LDLRAD4: variants seen among roughly 807,000 people sequenced by gnomAD.
LDLRAD4 encodes low-density lipoprotein receptor class A domain-containing protein 4.
In LDLRAD4, 5 loss-of-function variants were observed where a neutral mutation model predicts 17.0. That is an observed-to-expected ratio of 0.29 (90% confidence interval 0.15 to 0.62). LDLRAD4 has a LOEUF of 0.62. Ranked by LOEUF, LDLRAD4 falls within the 20% of genes least tolerant of loss-of-function variation. LDLRAD4 has a pLI of 0.84. For synonymous variants in LDLRAD4, 168 were observed against 171.8 expected (o/e 0.98, Z 0.17); for missense variants, 340 against 424.7 (o/e 0.80, Z 1.75).
chr18:13,640,591 T>C (rs2042458925), intron 4 of LDLRAD4, among the ~76,000 whole-genome samples: 1 of 152,120 alleles, frequency 6.6e-6, no homozygotes, highest in Non-Finnish European at 1.5e-5. Context: ...TAGGTAACAA[T>C]TGTGCCCTTG....
chr18:13,478,558 T>G (rs1243193100), intron 3 of LDLRAD4, among the ~76,000 whole-genome samples: 1 of 152,240 alleles, frequency 6.6e-6, no homozygotes, highest in African/African-American at 2.4e-5. Context: ...AGAAATTAAA[T>G]ACTTAGGTAA....
chr18:13,586,642 G>A (rs1381491860), intron 3 of LDLRAD4, among the ~76,000 whole-genome samples: 1 of 151,548 alleles, frequency 6.6e-6, no homozygotes, highest in African/African-American at 2.4e-5. Flanking sequence ...GGGGGGAATC[G>A]TTGAGAGGCC....
chr18:13,578,162 A>G (rs2148414875), intron 3 of LDLRAD4, among the ~76,000 whole-genome samples: 1 of 152,324 alleles, frequency 6.6e-6, no homozygotes. Flanking sequence ...TCTCATGTGT[A>G]GTTACGGGGT....
At chr18:13,270,175 C>A (rs1310191131) in intron 1 of LDLRAD4, among the ~76,000 whole-genome samples, 1 of 151,986 alleles carries the variant, frequency 6.6e-6, no homozygotes, top group South Asian at 2.1e-4. Context: ...CCAGGCTGGG[C>A]AACACAGCAA....
chr18:13,284,031 G>A (rs1426307855), intron 1 of LDLRAD4, among the ~76,000 whole-genome samples: 3 of 152,114 alleles, frequency 2.0e-5, no homozygotes, highest in African/African-American at 7.2e-5. Flanking sequence ...ATTACCTTCC[G>A]CTGGGTCCCT....
chr18:13,336,313 A>G (rs757072574), intron 1 of LDLRAD4, among the ~76,000 whole-genome samples: 3 of 152,192 alleles, frequency 2.0e-5, no homozygotes, highest in Non-Finnish European at 4.4e-5. Context: ...CAATTTTACT[A>G]GAATATTCCT....
chr18:13,343,665 T>C (rs1056749733), intron 1 of LDLRAD4, among the ~76,000 whole-genome samples: 11 of 152,182 alleles, frequency 7.2e-5, no homozygotes, highest in Non-Finnish European at 1.5e-4. Context: ...CACACTGACT[T>C]CCACAATGGT....
At chr18:13,247,803 TC>T (rs2043029696) in intron 1 of LDLRAD4, among the ~76,000 whole-genome samples, 1 of 152,048 alleles carries the variant, frequency 6.6e-6, no homozygotes, top group Non-Finnish European at 1.5e-5. Context: ...ATCTGAGCTT[TC>T]CCCGATTTCT....
chr18:13,447,360 C>T (rs2091482943), intron 3 of LDLRAD4, among the ~76,000 whole-genome samples: 1 of 152,204 alleles, frequency 6.6e-6, no homozygotes, highest in Admixed American at 6.5e-5. Context: ...CCCAGTCCCG[C>T]CCCTTGTGTT....
At position 13,300,352 on chromosome 18, in the gene LDLRAD4, G is replaced by A. The variant is rs1267796683; in HGVS notation, c.-383+22164G>A. The stretch of plus-strand genomic sequence containing the variant: ...TCACCAGGCAGAACAGATGGCAGTG[G>A]TGAGGGCTGGAGCCCTCTGCAGGGC... On this transcript the variant is annotated intron_variant, in intron 1 of 5. Coordinates refer to ENST00000359446, the Ensembl canonical transcript of LDLRAD4. This position sits in a 1 kb window ranked among gnomAD's most constrained non-coding sequence, Gnocchi z 4.2. Among the ~76,000 whole-genome samples the A allele has an allele frequency of 2.0e-5, 3 of 152,378 alleles. No individual in the cohort carries two copies. The highest frequency in any genetic ancestry group is 2.9e-5 in the Non-Finnish European group (2 of 68,038).
intron 3 of LDLRAD4, among the ~76,000 whole-genome samples, chr18:13,456,003 C>T (rs949199798): frequency 1.3e-5 from 2 of 152,132 alleles, no homozygotes; most frequent in Admixed American, 6.5e-5. Flanking sequence ...CCATGTCCCG[C>T]GCTGTCTGCA....
intron 1 of LDLRAD4, among the ~76,000 whole-genome samples, chr18:13,312,335 A>C (rs2047285507): frequency 6.6e-6 from 1 of 152,256 alleles, no homozygotes; most frequent in Non-Finnish European, 1.5e-5. Context: ...CATTATGTAC[A>C]TGCAGATATT....
chr18:13,324,823 G>A (rs1219362674), intron 1 of LDLRAD4, among the ~76,000 whole-genome samples: 2 of 152,218 alleles, frequency 1.3e-5, no homozygotes, highest in Non-Finnish European at 2.9e-5. Context: ...GAGCAGACAG[G>A]AGGGGAAGGT....
chr18:13,452,338 T>C (rs946494578), intron 3 of LDLRAD4, among the ~76,000 whole-genome samples: 4 of 151,986 alleles, frequency 2.6e-5, no homozygotes, highest in African/African-American at 4.8e-5. Context: ...GCTTGGAGGA[T>C]GCAGCGGGTG....
intron 3 of LDLRAD4, among the ~76,000 whole-genome samples, chr18:13,451,877 G>A (rs536626277): frequency 1.3e-5 from 2 of 152,360 alleles, no homozygotes; most frequent in Admixed American, 6.5e-5. Context: ...TCACTCAGGG[G>A]TTAGGATTTC....
intron 1 of LDLRAD4, among the ~76,000 whole-genome samples, chr18:13,344,673 A>G (rs1002437348): frequency 7.2e-5 from 11 of 152,216 alleles, no homozygotes; most frequent in Non-Finnish European, 1.3e-4. Context: ...TACCTTGGGC[A>G]GTATGGCCAT....
chr18:13,261,569 C>T (rs1247432186), intron 1 of LDLRAD4, among the ~76,000 whole-genome samples: 1 of 152,204 alleles, frequency 6.6e-6, no homozygotes, highest in Non-Finnish European at 1.5e-5. Context: ...GTATCCCTAA[C>T]CTCAGCCGTA....
chr18:13,643,394 G>A (rs376924190), exon 5 of LDLRAD4: 10 of 1,339,700 alleles, frequency 7.5e-6, no homozygotes, highest in African/African-American at 3.0e-5. Flanking sequence ...GCGCCGCACC[G>A]CGGCTGGGCG....
At position 13,529,940 on chromosome 18, in the gene LDLRAD4, G is replaced by T. The variant is rs116103850; in HGVS notation, c.182-91177G>T. On this transcript the variant is annotated intron_variant, in intron 3 of 5. Transcript: ENST00000359446. ...AATGTTTGCTTTCATGAAAAATGAT[G>T]TGTTTATCTCTGTAGTCGGAAGCTT... is the stretch of plus-strand genomic sequence containing the variant. Among the ~76,000 whole-genome samples, 1,142 of 152,236 alleles carry T rather than the reference G, an allele frequency of 7.5e-3. 19 individuals are homozygous for T. The highest frequency in any genetic ancestry group is 0.026 in the African/African-American group (1,079 of 41,530).
Sources: gnomAD v4.1 joint callset for allele counts (sites outside exome capture counted in the v4.1 genomes callset) on GRCh38, gnomAD v4.1.1 for gene constraint, Gnocchi (gnomAD v3.1) non-coding constraint, MANE v1.5 for transcripts, NCBI Gene and HGNC (gene_info 2026-07-23, HGNC 2026-07-21) for gene names.